Variants in HIPK2 observed in about 807,000 individuals in gnomAD.
HIPK2 encodes homeodomain interacting protein kinase 2.
A neutral mutation model predicts 113.7 loss-of-function variants in HIPK2; 27 were observed. That is an observed-to-expected ratio of 0.24 (90% CI 0.17 to 0.33). HIPK2 has a LOEUF of 0.33. Ranked by LOEUF, HIPK2 falls within the 10% of genes least tolerant of loss-of-function variation. The pLI is 1.00. For missense variants in HIPK2, 1,257 were observed against 1,588.0 expected (o/e 0.79, Z 3.54); for synonymous variants, 631 against 642.2 (o/e 0.98, Z 0.26).
intron 2 of HIPK2, among the ~76,000 whole-genome samples, chr7:139,705,429 T>A (rs961535489): frequency 6.6e-6 from 1 of 151,554 alleles, no homozygotes; most frequent in Non-Finnish European, 1.5e-5. Context: ...CAGGCTGGAG[T>A]GCAGTGGCGC....
chr7:139,604,245 C>T lies in HIPK2; in HGVS notation c.2113-22G>A, dbSNP rs770287209. 4.4e-6 allele frequency: 7 copies of T among 1,589,070 alleles called. No homozygotes were observed. In the East Asian group the frequency reaches 1.3e-4, roughly 31 times the overall value. ...CCTGCTGTAGAACACAGGACATGTG[C>T]AATGACCATGTTTGCTAATCACATA... On this transcript the variant is annotated intron_variant, in intron 9 of 14. Transcript: ENST00000406875.
intron 2 of HIPK2, among the ~76,000 whole-genome samples, chr7:139,676,340 G>C (rs547935729): frequency 6.6e-6 from 1 of 152,106 alleles, no homozygotes; most frequent in African/African-American, 2.4e-5. Flanking sequence ...GCCCTCCTGC[G>C]GGTGTCTGAG....
At chr7:139,580,843 G>A (rs568233732) in intron 13 of HIPK2, among the ~76,000 whole-genome samples, 1 of 152,342 alleles carries the variant, frequency 6.6e-6, no homozygotes, top group South Asian at 2.1e-4. Flanking sequence ...TAAGTATTGA[G>A]TATCTGGCAT....
At chr7:139,722,693 T>A (rs1795450313) in intron 1 of HIPK2, among the ~76,000 whole-genome samples, 1 of 151,946 alleles carries the variant, frequency 6.6e-6, no homozygotes, top group South Asian at 2.1e-4. Flanking sequence ...TACTGCCGGT[T>A]GGACGTATGC....
intron 2 of HIPK2, among the ~76,000 whole-genome samples, chr7:139,677,599 A>C (rs1338936266): frequency 6.6e-6 from 1 of 152,156 alleles, no homozygotes; most frequent in East Asian, 1.9e-4. Flanking sequence ...ATTATACTTT[A>C]AGTTCTGGGA....
At chr7:139,708,908 A>ATGTGTGTGTGTGCACC (rs1554448656) in intron 2 of HIPK2, among the ~76,000 whole-genome samples, 1 of 151,990 alleles carries the variant, frequency 6.6e-6, no homozygotes, top group Non-Finnish European at 1.5e-5. Context: ...GTGTGTGTGC[A>ATGTGTGTGTGTGCACC]TGTGTGTGTG....
At chr7:139,760,283 C>T (rs917764122) in intron 1 of HIPK2, among the ~76,000 whole-genome samples, 1 of 151,798 alleles carries the variant, frequency 6.6e-6, no homozygotes, top group East Asian at 1.9e-4. Flanking sequence ...GGATTACAGG[C>T]GTGAGCCACC....
At chr7:139,634,695 T>TTTTTTTTTTTTA in intron 2 of HIPK2, among the ~76,000 whole-genome samples, 1 of 147,610 alleles carries the variant, frequency 6.8e-6, no homozygotes, top group Non-Finnish European at 1.5e-5. Flanking sequence ...TTTTTTTTTT[T>TTTTTTTTTTTTA]GAGACAGAGT....
At chr7:139,664,980 T>G (rs186380092) in intron 2 of HIPK2, among the ~76,000 whole-genome samples, 1 of 152,208 alleles carries the variant, frequency 6.6e-6, no homozygotes, top group East Asian at 1.9e-4. Flanking sequence ...TAACAACAGT[T>G]TCCAAAGGCT....
At chr7:139,610,086 T>C (rs1241953849) in intron 9 of HIPK2, among the ~76,000 whole-genome samples, 1 of 152,246 alleles carries the variant, frequency 6.6e-6, no homozygotes, top group Non-Finnish European at 1.5e-5. Context: ...CTAGGGACTC[T>C]CTTTCAAGGA....
chr7:139,590,438 T>C (rs1352218964), intron 12 of HIPK2, among the ~76,000 whole-genome samples: 1 of 150,770 alleles, frequency 6.6e-6, no homozygotes, highest in Non-Finnish European at 1.5e-5. Context: ...CCCTGTAGGG[T>C]CTTATCTGGA....
At chr7:139,772,127 G>A (rs1014280329) in intron 1 of HIPK2, among the ~76,000 whole-genome samples, 1 of 152,222 alleles carries the variant, frequency 6.6e-6, no homozygotes, top group African/African-American at 2.4e-5. Context: ...TGCCCCTGAA[G>A]CTAGGTCAGG....
At chr7:139,672,872 C>A (rs2116649498) in intron 2 of HIPK2, among the ~76,000 whole-genome samples, 1 of 152,256 alleles carries the variant, frequency 6.6e-6, no homozygotes, top group African/African-American at 2.4e-5. Flanking sequence ...TCTTTAACTT[C>A]TGTATTAATA....
intron 2 of HIPK2, among the ~76,000 whole-genome samples, chr7:139,635,640 C>T (rs948542094): frequency 1.4e-4 from 21 of 151,952 alleles, no homozygotes; most frequent in Non-Finnish European, 2.5e-4. Flanking sequence ...CTGCTGCGAC[C>T]GTAAAGAACA....
intron 6 of HIPK2, among the ~76,000 whole-genome samples, chr7:139,624,046 G>A (rs1800336376): frequency 6.8e-6 from 1 of 147,372 alleles, no homozygotes; most frequent in Non-Finnish European, 1.5e-5. Context: ...TTTTTTTGAC[G>A]GAGTCTCGCT....
chr7:139,716,782 C>T lies in HIPK2; in HGVS notation c.253G>A (p.Val85Ile), dbSNP rs780228518. The T allele has an allele frequency of 1.7e-5, 27 of 1,613,700 alleles. No homozygotes were observed. The highest frequency in any genetic ancestry group is 3.3e-5 in the Admixed American group (2 of 59,984). Reference protein sequence around the residue: ...NPSLPYEQTIVFPGSTGHIVV... With the variant: ...NPSLPYEQTIIFPGSTGHIVV... ...ATGTGCCCGGTGCTTCCTGGGAAGA[C>T]GATGGTCTGCTCGTAAGGTAGGCTT... The change falls in exon 2 of 15, where the codon GTC becomes ATC. Residue 85 changes from valine (V) to isoleucine (I), a missense_variant. Physicochemically the swap from Val to Ile is conservative, Grantham distance 29. This residue lies in a region of HIPK2 where 209 missense variants were observed against 237.8 expected (regional missense o/e 0.88). Transcript: ENST00000406875. This position sits in a 1 kb window ranked among gnomAD's most constrained non-coding sequence, Gnocchi z 9.3.
chr7:139,710,083 G>C (rs1353535595), intron 2 of HIPK2, among the ~76,000 whole-genome samples: 1 of 150,394 alleles, frequency 6.6e-6, no homozygotes, highest in Non-Finnish European at 1.5e-5. Flanking sequence ...TTTTTTCTTT[G>C]CCATTCCAAT....
At chr7:139,722,134 A>G (rs1795428511) in intron 1 of HIPK2, 1 of 285,410 alleles carries the variant, frequency 3.5e-6, no homozygotes, top group African/African-American at 2.2e-5. Flanking sequence ...AGAAGTGATA[A>G]GTAAAAAGCA....
chr7:139,749,408 A>G (rs1312569989), intron 1 of HIPK2, among the ~76,000 whole-genome samples: 1 of 152,272 alleles, frequency 6.6e-6, no homozygotes, highest in East Asian at 1.9e-4. Context: ...CTTTAGTGCT[A>G]GAAAACCTGG....
Sources: allele counts gnomAD v4.1 joint callset (sites outside exome capture counted in the v4.1 genomes callset), GRCh38; gene constraint gnomAD v4.1.1; regional missense constraint gnomAD v4.1.1; non-coding constraint Gnocchi (gnomAD v3.1); transcripts MANE v1.5; gene names NCBI Gene and HGNC (gene_info 2026-07-23, HGNC 2026-07-21).